ATP8A2: variants seen among roughly 807,000 people sequenced by gnomAD.
ATP8A2 encodes the protein phospholipid-transporting ATPase IB.
Under a neutral mutation model 165.6 loss-of-function variants are expected in ATP8A2, and 100 were observed. The ratio of observed to expected loss-of-function variants is 0.60; its 90% confidence interval spans 0.51 to 0.71. The LOEUF is 0.71. Among genes scored for constraint, ATP8A2 ranks in the 30% least tolerant of loss-of-function variants. The pLI is 0.00. For synonymous variants in ATP8A2, 543 were observed against 548.8 expected (o/e 0.99, Z 0.15); for missense variants, 1,227 against 1,479.5 (o/e 0.83, Z 2.80).
chr13:25,784,865 A>G (rs910452004), intron 27 of ATP8A2, among the ~76,000 whole-genome samples: 14 of 151,868 alleles, frequency 9.2e-5, no homozygotes, highest in African/African-American at 3.1e-4. Context: ...TCCTGGGTTC[A>G]AGCGATTCTC....
intron 1 of ATP8A2, among the ~76,000 whole-genome samples, chr13:25,414,061 G>A (rs2034059155): frequency 6.6e-6 from 1 of 151,982 alleles, no homozygotes; most frequent in Non-Finnish European, 1.5e-5. Flanking sequence ...TGATCACTAA[G>A]CCTGACTTTC....
intron 22 of ATP8A2, among the ~76,000 whole-genome samples, chr13:25,581,584 C>T (rs575408528): frequency 6.8e-4 from 104 of 152,278 alleles, no homozygotes; most frequent in African/African-American, 2.4e-3. Flanking sequence ...TAACAAGCCC[C>T]TGTATCAAGA....
At chr13:25,988,932 CA>C (rs1956326806) in intron 35 of ATP8A2, among the ~76,000 whole-genome samples, 1 of 152,216 alleles carries the variant, frequency 6.6e-6, no homozygotes, top group Non-Finnish European at 1.5e-5. Context: ...CCCAGAGAGA[CA>C]GCATGAAGCA....
intron 1 of ATP8A2, among the ~76,000 whole-genome samples, chr13:25,395,308 G>A (rs2033384263): frequency 6.6e-6 from 1 of 151,794 alleles, no homozygotes; most frequent in Admixed American, 6.6e-5. Context: ...GGCCTGAGGG[G>A]GCTTCTGTCT....
chr13:25,451,220 C>G (rs1005783647), intron 1 of ATP8A2, among the ~76,000 whole-genome samples: 3 of 152,140 alleles, frequency 2.0e-5, no homozygotes, highest in South Asian at 4.1e-4. Flanking sequence ...AGTGCCTAAT[C>G]TGCTATTAAT....
intron 1 of ATP8A2, among the ~76,000 whole-genome samples, chr13:25,449,037 C>T (rs1301530910): frequency 1.3e-5 from 2 of 152,132 alleles, no homozygotes; most frequent in East Asian, 3.9e-4. Flanking sequence ...AAAAAATCCT[C>T]ATGATTTCCC....
intron 33 of ATP8A2, among the ~76,000 whole-genome samples, chr13:25,882,155 C>CCTGACT (rs1952998209): frequency 6.6e-6 from 1 of 152,164 alleles, no homozygotes; most frequent in Admixed American, 6.5e-5. Flanking sequence ...GACGTAAAAA[C>CCTGACT]CTGACTCGGC....
rs746711375 is a variant in ATP8A2 at position 25,753,490 on chromosome 13, C to T, written c.2385-15556C>T. On this transcript the variant is annotated intron_variant, in intron 25 of 36. Transcript: ENST00000381655. ...CAAATTTGAGAATCTCATTCTAGTG[C>T]GGTAGGTCAGTCCACAAATACTCTC... Among the ~76,000 whole-genome samples, 9 of 152,150 alleles carry T rather than the reference C, an allele frequency of 5.9e-5. No individual in the cohort carries two copies. The South Asian group carries it at 6.2e-4, about 10-fold the overall frequency.
intron 33 of ATP8A2, among the ~76,000 whole-genome samples, chr13:25,949,658 G>A (rs1347434742): frequency 4.6e-5 from 7 of 152,208 alleles, no homozygotes; most frequent in Admixed American, 2.0e-4. Flanking sequence ...AAGGATTGAG[G>A]CTGGGCATCC....
At chr13:25,789,824 A>C (rs2138397129) in intron 27 of ATP8A2, among the ~76,000 whole-genome samples, 1 of 152,348 alleles carries the variant, frequency 6.6e-6, no homozygotes, top group South Asian at 2.1e-4. Context: ...ACCTGACTTC[A>C]AACTATGCTG....
At chr13:25,559,204 A>C in intron 14 of ATP8A2, 143 bp downstream of exon 14, 1 of 609,418 alleles carries the variant, frequency 1.6e-6, no homozygotes. Context: ...TTGTAACTGA[A>C]TGGATCCCAA....
At chr13:25,635,866 A>T (rs961686613) in intron 24 of ATP8A2, among the ~76,000 whole-genome samples, 2 of 152,258 alleles carry the variant, frequency 1.3e-5, no homozygotes, top group African/African-American at 4.8e-5. Flanking sequence ...GAAGACAGAA[A>T]TACAAACTAT....
intron 25 of ATP8A2, 69 bp from the exon 26 acceptor site, chr13:25,768,977 G>A (rs1037394982): frequency 4.9e-6 from 7 of 1,421,284 alleles, no homozygotes; most frequent in Non-Finnish European, 6.0e-6. Flanking sequence ...TAATGCAGCG[G>A]AATGTAGATT....
At chr13:25,513,357 A>G (rs1466136150) in intron 2 of ATP8A2, among the ~76,000 whole-genome samples, 1 of 148,420 alleles carries the variant, frequency 6.7e-6, no homozygotes, top group Admixed American at 6.7e-5. Flanking sequence ...ATCTCAGACG[A>G]TGGGCGGCCG....
chr13:25,856,016 A>C (rs1593456135), intron 30 of ATP8A2, among the ~76,000 whole-genome samples: 1 of 152,064 alleles, frequency 6.6e-6, no homozygotes, highest in Non-Finnish European at 1.5e-5. Flanking sequence ...TTTACTGTTG[A>C]GTTGTAAGAG....
intron 29 of ATP8A2, 138 bp downstream of exon 29, chr13:25,837,423 CCACACACACACACACACA>C (rs72194516): frequency 3.4e-4 from 106 of 311,594 alleles, no homozygotes; most frequent in East Asian, 3.0e-3. Flanking sequence ...CACCCCACCA[CCACACACACACACACACA>C]CACACACACA....
At chr13:25,421,895 G>A (rs1413701597) in intron 1 of ATP8A2, among the ~76,000 whole-genome samples, 1 of 152,162 alleles carries the variant, frequency 6.6e-6, no homozygotes, top group Non-Finnish European at 1.5e-5. Context: ...AGTTCTCTTT[G>A]AGGATATTTC....
chr13:25,886,594 C>T (rs761830505), intron 33 of ATP8A2, among the ~76,000 whole-genome samples: 4 of 152,294 alleles, frequency 2.6e-5, no homozygotes, highest in African/African-American at 7.2e-5. Context: ...CGCTGGATGC[C>T]GACAGCACGA....
chr13:26,005,056 G>A (rs972935092), intron 35 of ATP8A2, among the ~76,000 whole-genome samples: 8 of 151,936 alleles, frequency 5.3e-5, no homozygotes, highest in Admixed American at 1.3e-4. Flanking sequence ...TTGAGAATTG[G>A]TATTAGTTCT....
Sources: gnomAD v4.1 joint callset for allele counts (sites outside exome capture counted in the v4.1 genomes callset) on GRCh38, gnomAD v4.1.1 for gene constraint, MANE v1.5 for transcripts, NCBI Gene and HGNC (gene_info 2026-07-23, HGNC 2026-07-21) for gene names.